Variants in QTGAL observed in about 807,000 individuals in gnomAD.
QTGAL encodes BGnT-like protein 1.
At chr17:82,968,737 C>T in the QTGAL span, among the ~76,000 whole-genome samples, 5 of 152,208 alleles carry the variant, frequency 3.3e-5, no homozygotes, top group South Asian at 4.1e-4. Context: ...CGGTGGCTCA[C>T]GTCTGTAATC....
the QTGAL span, among the ~76,000 whole-genome samples, chr17:83,037,242 G>A: frequency 6.6e-6 from 1 of 152,228 alleles, no homozygotes; most frequent in African/African-American, 2.4e-5. The surrounding 1 kb of genome is among the most constrained non-coding windows in gnomAD (Gnocchi z 5.2). Flanking sequence ...GGGGAAGGCA[G>A]GGCTCCCACC....
At chr17:82,959,185 G>A in the QTGAL span, among the ~76,000 whole-genome samples, 1 of 151,954 alleles carries the variant, frequency 6.6e-6, no homozygotes, top group Non-Finnish European at 1.5e-5. Flanking sequence ...ATGAGCACGT[G>A]TACAGTGTGT....
chr17:82,943,529 T>C, the QTGAL span: 2 of 143,582 alleles, frequency 1.4e-5, no homozygotes, highest in African/African-American at 5.2e-5. Context: ...CCTGGCCTGC[T>C]CTCAGGTGGG....
chr17:82,996,464 G>A, the QTGAL span, among the ~76,000 whole-genome samples: 2 of 151,250 alleles, frequency 1.3e-5, no homozygotes, highest in East Asian at 3.9e-4. Context: ...AGAGGTTGCA[G>A]TGAGCCGAGA....
the QTGAL span, among the ~76,000 whole-genome samples, chr17:82,961,567 T>G: frequency 1.5e-4 from 23 of 152,162 alleles, no homozygotes; most frequent in Admixed American, 6.5e-4. Context: ...TTCCTGCCAG[T>G]GGCTGCAGCC....
chr17:82,946,832 CATA>C, the QTGAL span: 4 of 1,406,290 alleles, frequency 2.8e-6, no homozygotes, highest in Non-Finnish European at 2.9e-6. Flanking sequence ...GGAAATGAAA[CATA>C]ATAAAGAAAC....
chr17:83,017,727 G>A, the QTGAL span, among the ~76,000 whole-genome samples: 8 of 152,334 alleles, frequency 5.3e-5, no homozygotes, highest in East Asian at 1.9e-4. Context: ...CATGACACAC[G>A]GTGTGCCTGC....
At chr17:83,048,096 G>T in the QTGAL span, among the ~76,000 whole-genome samples, 26 of 151,862 alleles carry the variant, frequency 1.7e-4, no homozygotes, top group African/African-American at 6.3e-4. Flanking sequence ...GCACGATCTC[G>T]GTTCACTGCA....
the QTGAL span, among the ~76,000 whole-genome samples, chr17:82,959,116 CTG>C: frequency 3.3e-4 from 48 of 145,544 alleles, no homozygotes; most frequent in African/African-American, 8.0e-4. Flanking sequence ...TGTGTGTACA[CTG>C]TGTGGGGGTG....
the QTGAL span, among the ~76,000 whole-genome samples, chr17:82,962,575 T>C: frequency 1.8e-5 from 2 of 112,554 alleles, no homozygotes; most frequent in African/African-American, 6.5e-5. Flanking sequence ...GGGTGGAGGT[T>C]CCTGTGGGTG....
chr17:82,943,722 C>T, the QTGAL span: 4 of 152,378 alleles, frequency 2.6e-5, no homozygotes, highest in Non-Finnish European at 5.9e-5. Flanking sequence ...GTGGGGTTAA[C>T]ACACTACTGT....
the QTGAL span, among the ~76,000 whole-genome samples, chr17:82,991,978 T>C: frequency 3.3e-5 from 5 of 152,072 alleles, no homozygotes; most frequent in African/African-American, 1.2e-4. Flanking sequence ...ATTAGTGAGC[T>C]TGAAGAAAGG....
At chr17:82,972,997 C>G in the QTGAL span, among the ~76,000 whole-genome samples, 2 of 152,196 alleles carry the variant, frequency 1.3e-5, no homozygotes, top group African/African-American at 4.8e-5. Context: ...AACGCTTCCC[C>G]GAAGGAGGGG....
At chr17:82,942,555 C>T in the QTGAL span, 36 of 1,575,732 alleles carry the variant, frequency 2.3e-5, no homozygotes, top group Non-Finnish European at 3.1e-5. Flanking sequence ...ACAGTGGTGC[C>T]TCCAGCTGTT....
chr17:82,955,867 A>T, the QTGAL span, among the ~76,000 whole-genome samples: 1 of 152,150 alleles, frequency 6.6e-6, no homozygotes, highest in Non-Finnish European at 1.5e-5. Context: ...ATGAAGCTGG[A>T]AACCATCATC....
the QTGAL span, among the ~76,000 whole-genome samples, chr17:82,973,941 G>C: frequency 2.0e-5 from 3 of 152,126 alleles, no homozygotes; most frequent in Non-Finnish European, 2.9e-5. Context: ...CCGTGTACCT[G>C]TGTGTTCCCA....
chr17:82,982,386 A>C, the QTGAL span, among the ~76,000 whole-genome samples: 1 of 152,244 alleles, frequency 6.6e-6, no homozygotes, highest in Admixed American at 6.5e-5. Context: ...TTTTATCTCC[A>C]ATGGAGGTCT....
chr17:83,007,148 A>C, the QTGAL span: 1 of 906,658 alleles, frequency 1.1e-6, no homozygotes, highest in Non-Finnish European at 1.3e-6. Context: ...AATTGGAACA[A>C]ACGTGCTCGG....
the QTGAL span, among the ~76,000 whole-genome samples, chr17:83,001,974 C>G: frequency 6.6e-6 from 1 of 151,758 alleles, no homozygotes; most frequent in African/African-American, 2.4e-5. Context: ...ATTGCGCAGA[C>G]TGGTCTTAAA....
Sources: gnomAD v4.1 joint callset for allele counts (sites outside exome capture counted in the v4.1 genomes callset) on GRCh38, gnomAD v4.1.1 for gene constraint, Gnocchi (gnomAD v3.1) non-coding constraint, MANE v1.5 for transcripts, NCBI Gene and HGNC (gene_info 2026-07-23, HGNC 2026-07-21) for gene names.